PSD3: variants seen among roughly 807,000 people sequenced by gnomAD.
PSD3 encodes PH and SEC7 domain-containing protein 3.
A neutral mutation model predicts 105.5 loss-of-function variants in PSD3; 49 were observed. The ratio of observed to expected loss-of-function variants is 0.46; its 90% CI spans 0.37 to 0.59. The LOEUF (loss-of-function observed/expected upper bound fraction) is 0.59. Ranked by LOEUF, PSD3 falls within the 20% of genes least tolerant of loss-of-function variation. PSD3 has a pLI of 0.00. For synonymous variants in PSD3, 557 were observed against 457.8 expected (o/e 1.22, Z -2.77); for missense variants, 1,561 against 1,263.8 (o/e 1.24, Z -3.57).
chr8:18,968,869 A>G (rs1466162582), intron 1 of PSD3, among the ~76,000 whole-genome samples: 1 of 130,576 alleles, frequency 7.7e-6, no homozygotes, highest in Non-Finnish European at 1.7e-5. Context: ...GAGCAAAAAA[A>G]AAATGTCTCC....
intron 9 of PSD3, among the ~76,000 whole-genome samples, chr8:18,698,272 C>A (rs1163862360): frequency 3.3e-5 from 5 of 152,068 alleles, no homozygotes; most frequent in Non-Finnish European, 7.4e-5. Context: ...CTAGTTTTAA[C>A]ATTTTTTAAT....
chr8:18,641,069 G>C (rs1173367166), intron 10 of PSD3, among the ~76,000 whole-genome samples: 1 of 152,198 alleles, frequency 6.6e-6, no homozygotes, highest in African/African-American at 2.4e-5. Context: ...ACACAGCAGA[G>C]GCTTGACTTC....
chr8:18,593,809 T>G (rs1803795644), intron 12 of PSD3, among the ~76,000 whole-genome samples: 1 of 151,414 alleles, frequency 6.6e-6, no homozygotes, highest in South Asian at 2.1e-4. Flanking sequence ...AAAGGATGAG[T>G]TCATGTCCTT....
At chr8:18,793,676 C>A (rs962399316) in intron 8 of PSD3, among the ~76,000 whole-genome samples, 1 of 152,202 alleles carries the variant, frequency 6.6e-6, no homozygotes, top group East Asian at 1.9e-4. Context: ...TGAATGCCAA[C>A]GATAGCTTTC....
At chr8:18,564,460 C>G (rs1053991899) in intron 14 of PSD3, among the ~76,000 whole-genome samples, 1 of 152,040 alleles carries the variant, frequency 6.6e-6, no homozygotes, top group Non-Finnish European at 1.5e-5. Flanking sequence ...GAAACCCCGT[C>G]TCTACTAAAA....
intron 1 of PSD3, among the ~76,000 whole-genome samples, chr8:19,009,249 T>C (rs926069240): frequency 4.0e-5 from 6 of 151,696 alleles, no homozygotes; most frequent in Non-Finnish European, 8.8e-5. Context: ...GATGAATTAG[T>C]CATCCAATAT....
intron 4 of PSD3, among the ~76,000 whole-genome samples, chr8:18,818,016 C>A (rs913545389): frequency 6.6e-6 from 1 of 152,142 alleles, no homozygotes; most frequent in Non-Finnish European, 1.5e-5. Context: ...TGCAGTGGCG[C>A]GATCTCGGCT....
intron 11 of PSD3, among the ~76,000 whole-genome samples, chr8:18,607,849 G>A (rs1416436166): frequency 6.6e-6 from 1 of 152,134 alleles, no homozygotes; most frequent in Non-Finnish European, 1.5e-5. Flanking sequence ...TACAATCACG[G>A]CAGAAGGGGA....
chr8:18,913,511 A>T (rs1820382925), intron 2 of PSD3, among the ~76,000 whole-genome samples: 1 of 152,084 alleles, frequency 6.6e-6, no homozygotes, highest in Admixed American at 6.6e-5. Flanking sequence ...TAGAGACTCC[A>T]GGCCTCCCAG....
chr8:18,730,653 C>T (rs1803679358), intron 9 of PSD3, among the ~76,000 whole-genome samples: 2 of 152,202 alleles, frequency 1.3e-5, no homozygotes, highest in Admixed American at 6.5e-5. Flanking sequence ...ACTGTTTACA[C>T]ATATTTTTGG....
In PSD3 at chr8:18,996,061, T is replaced by A. The variant is rs925787953; in HGVS notation, c.21+17502A>T. On this transcript the variant is annotated intron_variant, in intron 1 of 15. Coordinates refer to ENST00000327040, the MANE Select transcript of PSD3 (RefSeq NM_015310.4). ...TGTCCCCAGGTGATTTCCACAGTAA[T>A]GTCTGGGAAACAACTGGTCATCCAC... Among the ~76,000 whole-genome samples, 4 of 152,016 alleles carry A rather than the reference T, an allele frequency of 2.6e-5. No individual in the cohort carries two copies. In the East Asian group the frequency reaches 7.7e-4, roughly 29 times the overall value.
At chr8:18,712,311 C>CT (rs1802303605) in intron 9 of PSD3, among the ~76,000 whole-genome samples, 1 of 145,204 alleles carries the variant, frequency 6.9e-6, no homozygotes, top group Admixed American at 6.9e-5. Context: ...ATGAAAAATC[C>CT]TTCCAAAAAA....
intron 1 of PSD3, chr8:19,000,992 T>C (rs1826349908): frequency 6.6e-6 from 1 of 151,962 alleles, no homozygotes; most frequent in Non-Finnish European, 1.5e-5. Flanking sequence ...AAATCTCTTA[T>C]ACAAAGTGAT....
intron 4 of PSD3, among the ~76,000 whole-genome samples, chr8:18,837,033 A>C (rs983923183): frequency 9.9e-5 from 15 of 151,810 alleles, no homozygotes; most frequent in Admixed American, 4.6e-4. Context: ...CAAGGCTTTT[A>C]ACTAAATATC....
intron 4 of PSD3, chr8:18,864,698 C>T (rs1816696570): frequency 6.6e-6 from 1 of 152,108 alleles, no homozygotes; most frequent in Non-Finnish European, 1.5e-5. Flanking sequence ...GGCATGGCCA[C>T]TGCTTTTATT....
chr8:18,741,928 G>C (rs965546574), intron 9 of PSD3, among the ~76,000 whole-genome samples: 3 of 151,218 alleles, frequency 2.0e-5, no homozygotes, highest in Non-Finnish European at 4.4e-5. Flanking sequence ...AGATCTAAAA[G>C]ATTTAAAAAT....
intron 9 of PSD3, among the ~76,000 whole-genome samples, chr8:18,762,137 G>C (rs1427642575): frequency 6.6e-6 from 1 of 152,184 alleles, no homozygotes; most frequent in African/African-American, 2.4e-5. Context: ...TGTGGGGTCT[G>C]TTGGGAGGTG....
At chr8:18,802,367 G>T in intron 6 of PSD3, 1 of 387,022 alleles carries the variant, frequency 2.6e-6, no homozygotes, top group South Asian at 1.7e-5. Flanking sequence ...ACATGAGATG[G>T]GAAGGAAAAA....
At chr8:18,755,067 A>G (rs750114037) in intron 9 of PSD3, among the ~76,000 whole-genome samples, 1 of 152,128 alleles carries the variant, frequency 6.6e-6, no homozygotes, top group Non-Finnish European at 1.5e-5. Flanking sequence ...AGTTACATTC[A>G]TATCAATAAT....
Sources: gnomAD v4.1 joint callset for allele counts (sites outside exome capture counted in the v4.1 genomes callset) on GRCh38, gnomAD v4.1.1 for gene constraint, MANE v1.5 for transcripts, NCBI Gene and HGNC (gene_info 2026-07-23, HGNC 2026-07-21) for gene names.